Variants in SNX2 observed in about 807,000 individuals in gnomAD.
SNX2 encodes the protein sorting nexin 2.
SNX2 carries 25 observed loss-of-function variants against 69.9 expected under a neutral mutation model. The ratio of observed to expected loss-of-function variants is 0.36; its 90% CI spans 0.26 to 0.50. SNX2 has a LOEUF of 0.50. Among genes scored for constraint, SNX2 ranks in the 20% least tolerant of loss-of-function variants. SNX2 has a pLI of 0.97. For missense variants in SNX2, 551 were observed against 613.3 expected (o/e 0.90, Z 1.07); for synonymous variants, 229 against 200.4 (o/e 1.14, Z -1.20).
At chr5:122,780,449 C>T (rs1356503786) in intron 1 of SNX2, among the ~76,000 whole-genome samples, 1 of 151,970 alleles carries the variant, frequency 6.6e-6, no homozygotes, top group Non-Finnish European at 1.5e-5. Flanking sequence ...TGAGAATTAT[C>T]AAGAGAAAGT....
chr5:122,821,163 A>G (rs992428452), intron 11 of SNX2, among the ~76,000 whole-genome samples: 1 of 152,224 alleles, frequency 6.6e-6, no homozygotes, highest in Non-Finnish European at 1.5e-5. Context: ...ATTTGAAAAA[A>G]TAATGCACAT....
At chr5:122,799,976 G>A (rs1753473111) in intron 3 of SNX2, 121 bp downstream of exon 3, 1 of 713,270 alleles carries the variant, frequency 1.4e-6, no homozygotes, top group East Asian at 3.0e-5. Flanking sequence ...AAAGAATATT[G>A]GACTAAATTA....
intron 1 of SNX2, among the ~76,000 whole-genome samples, chr5:122,790,466 A>T (rs1322043396): frequency 1.3e-5 from 2 of 152,098 alleles, no homozygotes; most frequent in Non-Finnish European, 2.9e-5. Flanking sequence ...ATTAAGAGGA[A>T]CCTTCATATC....
intron 11 of SNX2, among the ~76,000 whole-genome samples, chr5:122,820,025 C>G (rs1235933675): frequency 1.3e-5 from 2 of 152,058 alleles, no homozygotes; most frequent in African/African-American, 4.8e-5. Flanking sequence ...ATTAATTTCT[C>G]AGTATTTAGA....
Position 122,817,045 on chromosome 5 carries a change from C to T in SNX2, c.912+17C>T, listed in dbSNP as rs373105473. 1.7e-5 allele frequency: 27 copies of T among 1,561,582 alleles called. No homozygotes were observed. The highest frequency in any genetic ancestry group is 4.5e-5 in the South Asian group (4 of 89,444). On this transcript the variant is annotated intron_variant, in intron 9 of 14. Coordinates refer to ENST00000379516, the MANE Select transcript of SNX2 (RefSeq NM_003100.4). Reference sequence around the variant, plus strand: ...TCGGATGCAGTAAGAGCTGATTTTTCGGCTTGAATAATGAGATGAATTAAT... The same window carrying T: ...TCGGATGCAGTAAGAGCTGATTTTTTGGCTTGAATAATGAGATGAATTAAT...
intron 11 of SNX2, among the ~76,000 whole-genome samples, chr5:122,823,517 T>G (rs550381406): frequency 6.6e-6 from 1 of 152,324 alleles, no homozygotes; most frequent in East Asian, 1.9e-4. Context: ...AGCCGGTTGA[T>G]GTATACATTG....
intron 1 of SNX2, among the ~76,000 whole-genome samples, chr5:122,789,875 T>A (rs2150003248): frequency 6.6e-6 from 1 of 152,388 alleles, no homozygotes; most frequent in South Asian, 2.1e-4. Flanking sequence ...CAAGTACCTT[T>A]TTAATTTTAT....
At chr5:122,792,782 T>C (rs1753274629) in intron 1 of SNX2, among the ~76,000 whole-genome samples, 1 of 152,144 alleles carries the variant, frequency 6.6e-6, no homozygotes, top group African/African-American at 2.4e-5. Context: ...AAGGAACTTC[T>C]GCAAATCAAT....
chr5:122,778,813 C>T (rs975517232), intron 1 of SNX2, among the ~76,000 whole-genome samples: 5 of 152,050 alleles, frequency 3.3e-5, no homozygotes, highest in East Asian at 1.9e-4. Flanking sequence ...AAACTCCTCC[C>T]CTTTCAAAAT....
intron 1 of SNX2, among the ~76,000 whole-genome samples, chr5:122,790,476 C>T (rs1753208502): frequency 6.6e-6 from 1 of 152,108 alleles, no homozygotes; most frequent in Non-Finnish European, 1.5e-5. Flanking sequence ...ACCTTCATAT[C>T]CTTGCCACGT....
intron 7 of SNX2, among the ~76,000 whole-genome samples, chr5:122,810,399 T>TAAAAAAA (rs928838303): frequency 6.5e-5 from 8 of 122,340 alleles, no homozygotes; most frequent in South Asian, 2.6e-4. Flanking sequence ...AATGATCAAT[T>TAAAAAAA]AAAAAAAAAA....
At chr5:122,806,142 G>GCGCACGCACACACACACACA in intron 6 of SNX2, among the ~76,000 whole-genome samples, 109 of 130,634 alleles carry the variant, frequency 8.3e-4, no homozygotes, top group African/African-American at 2.3e-3. Flanking sequence ...ACACGCGCGC[G>GCGCACGCACACACACACACA]CACACACACA....
In SNX2 at chr5:122,833,414, TAAA is replaced by T. The variant is rs147586504; in HGVS notation, c.*3769_*3771del. 1 of 152,150 alleles carries T rather than the reference TAAA, an allele frequency of 6.6e-6. No individual in the cohort carries two copies. Among genetic ancestry groups the T allele is most frequent in the Non-Finnish European group, 1.5e-5 (1 of 68,006 alleles). 9.4% of individuals were successfully genotyped at this position (152,150 alleles called of 1,614,324 possible). On this transcript the variant is annotated 3_prime_UTR_variant, in exon 15 of 15. Coordinates refer to ENST00000379516, the MANE Select transcript of SNX2 (RefSeq NM_003100.4). Reference sequence around the variant, plus strand: ...TTTAAAATTTTCTACAGCCAAATGTTAAAAAGTAAAAAACAATTTTAATAATCC... The same window carrying T: ...TTTAAAATTTTCTACAGCCAAATGTTAAGTAAAAAACAATTTTAATAATCC...
chr5:122,791,628 G>C (rs1296188496), intron 1 of SNX2, among the ~76,000 whole-genome samples: 1 of 152,060 alleles, frequency 6.6e-6, no homozygotes, highest in African/African-American at 2.4e-5. Context: ...TGTTGGTCAG[G>C]CTGGTCTCGA....
chr5:122,777,401 A>G (rs1301085534), intron 1 of SNX2, among the ~76,000 whole-genome samples: 3 of 152,236 alleles, frequency 2.0e-5, no homozygotes, highest in Non-Finnish European at 2.9e-5. Flanking sequence ...GCAAGGCCCT[A>G]CGTGATTCTG....
intron 11 of SNX2, 95 bp downstream of exon 11, chr5:122,819,118 C>A: frequency 1.1e-6 from 1 of 925,622 alleles, no homozygotes; most frequent in Non-Finnish European, 1.6e-6. Flanking sequence ...TAAATTCCTC[C>A]TATACTAGCA....
chr5:122,783,564 T>C (rs916628146), intron 1 of SNX2, among the ~76,000 whole-genome samples: 3 of 152,192 alleles, frequency 2.0e-5, no homozygotes, highest in East Asian at 1.9e-4. Context: ...CCTTTCTTTA[T>C]TGGGCTGTCT....
Position 122,795,250 on chromosome 5 carries a change from T to G in SNX2, c.109-16T>G, listed in dbSNP as rs755985943. 2 of 1,524,962 alleles carry G rather than the reference T, an allele frequency of 1.3e-6. No homozygotes were observed. Among genetic ancestry groups the G allele is most frequent in the Non-Finnish European group, 1.8e-6 (2 of 1,099,522 alleles). The allele number at this position is 1,524,962 out of a possible 1,614,324, so 94.5% of individuals were successfully genotyped here. On this transcript the variant is annotated splice_polypyrimidine_tract_variant and intron_variant, in intron 1 of 14. Transcript: ENST00000379516. ...AACATGCCAATCCATTACCTATTAT[T>G]GTTCTTTTTTAACAGTCAAGTCCAT...
chr5:122,805,830 G>A (rs774450637), intron 6 of SNX2, among the ~76,000 whole-genome samples: 3 of 152,060 alleles, frequency 2.0e-5, no homozygotes, highest in African/African-American at 4.8e-5. Context: ...GCCCAGGCTG[G>A]AGTGCAGTGG....
Sources: allele counts gnomAD v4.1 joint callset (sites outside exome capture counted in the v4.1 genomes callset), GRCh38; gene constraint gnomAD v4.1.1; transcripts MANE v1.5; gene names NCBI Gene and HGNC (gene_info 2026-07-23, HGNC 2026-07-21).